The following TTC13 variants were observed in gnomAD, a reference collection of about 807,000 sequenced individuals.
The protein encoded by TTC13 is tetratricopeptide repeat domain 13.
TTC13 carries 62 observed loss-of-function variants against 120.0 expected under a neutral mutation model. The ratio of observed to expected loss-of-function variants is 0.52; its 90% CI spans 0.42 to 0.64. TTC13 has a LOEUF of 0.64. Ranked by LOEUF, TTC13 falls within the 30% of genes least tolerant of loss-of-function variation. The pLI is 0.00. For synonymous variants in TTC13, 384 were observed against 393.5 expected, an observed-to-expected ratio of 0.98 and a Z score of 0.28; for missense variants, 824 against 1,050.2, an observed-to-expected ratio of 0.78 and a Z score of 2.98.
intron 10 of TTC13, 30 bp downstream of exon 10, chr1:230,931,706 A>G (rs772132177): frequency 1.4e-5 from 23 of 1,610,664 alleles, no homozygotes; most frequent in African/African-American, 2.7e-5. Flanking sequence ...AGTAATTCCA[A>G]TTACAGTGTT....
rs1670931663 is a variant in TTC13, at chr1:230,906,280, T to C, written c.*625A>G. The stretch of plus-strand genomic sequence containing the variant: ...AACTGGTGATTTATAGAAATCACCC[T>C]GGTTTATTTTTTTCAACAAAGGAAA... On this transcript the variant is annotated 3_prime_UTR_variant, in exon 23 of 23. Transcript: ENST00000366661. 6.6e-6 allele frequency: 1 copy of C among 152,204 alleles called. No homozygotes were observed. 9.4% of individuals were successfully genotyped at this position (152,204 alleles called of 1,614,324 possible).
At chr1:230,913,100 C>G (rs1197821037) in intron 18 of TTC13, among the ~76,000 whole-genome samples, 2 of 152,086 alleles carry the variant, frequency 1.3e-5, no homozygotes, top group Non-Finnish European at 2.9e-5. Context: ...ATTTTCTAAG[C>G]CACCCCATTA....
At chr1:230,910,732 G>A (rs142157454) in intron 20 of TTC13, among the ~76,000 whole-genome samples, 3 of 152,344 alleles carry the variant, frequency 2.0e-5, no homozygotes, top group East Asian at 1.9e-4. Flanking sequence ...ATATTATGCT[G>A]ATAAGACAAC....
At chr1:230,965,468 T>C (rs888641301) in intron 1 of TTC13, among the ~76,000 whole-genome samples, 5 of 152,116 alleles carry the variant, frequency 3.3e-5, no homozygotes, top group African/African-American at 1.2e-4. Context: ...AGACAGATAA[T>C]AACAAATGCT....
At chr1:230,933,460 C>G (rs1401314401) in intron 9 of TTC13, among the ~76,000 whole-genome samples, 2 of 152,118 alleles carry the variant, frequency 1.3e-5, no homozygotes, top group African/African-American at 4.8e-5. Flanking sequence ...TAGTTACTGT[C>G]TAAGAAAGTA....
In TTC13 at chr1:230,976,545, G is replaced by C. The variant is rs75276437; in HGVS notation, c.271+2015C>G. Among the ~76,000 whole-genome samples, 288 of 152,284 alleles carry C rather than the reference G, an allele frequency of 1.9e-3. 1 individual carries two copies. Among genetic ancestry groups the C allele is most frequent in the Non-Finnish European group, 3.4e-3 (234 of 68,030 alleles). ...AGTTGATTCTGGAAATGACTTCTTG[G>C]GTGACCACAGCGGCAGCTGCCCCAC... On this transcript the variant is annotated intron_variant, in intron 1 of 22. Coordinates refer to ENST00000366661, the MANE Select transcript of TTC13 (RefSeq NM_024525.5).
chr1:230,957,940 A>C (rs189927641), intron 3 of TTC13, among the ~76,000 whole-genome samples: 3 of 152,304 alleles, frequency 2.0e-5, no homozygotes, highest in African/African-American at 7.2e-5. Flanking sequence ...CAGCACACAA[A>C]TAACCTTTTA....
intron 4 of TTC13, 97 bp from the exon 5 acceptor site, chr1:230,945,551 C>T (rs549066248): frequency 9.0e-5 from 98 of 1,093,802 alleles, no homozygotes; most frequent in Admixed American, 8.4e-5. Context: ...CAAGTGACAG[C>T]TCTACTTCTT....
chr1:230,913,928 C>T (rs1671757898), intron 18 of TTC13, among the ~76,000 whole-genome samples: 1 of 152,134 alleles, frequency 6.6e-6, no homozygotes, highest in African/African-American at 2.4e-5. Flanking sequence ...CTGTGAATGC[C>T]TGGCAGGGAA....
chr1:230,928,877 C>T lies in TTC13; in HGVS notation c.1457+60G>A, dbSNP rs1673282371. ...AGCAGGGAGTAGCGTGCCACCATGC[C>T]CAGCTTATAGCTCAGTTTTGAGAAA... is the stretch of plus-strand genomic sequence containing the variant. On this transcript the variant is annotated intron_variant, in intron 12 of 22. Transcript: ENST00000366661. The T allele has an allele frequency of 1.3e-5, 21 of 1,585,120 alleles. No individual in the cohort carries two copies. In the South Asian group the frequency reaches 2.0e-4, roughly 15 times the overall value.
chr1:230,956,924 T>C (rs1676138466), intron 3 of TTC13, among the ~76,000 whole-genome samples: 1 of 152,184 alleles, frequency 6.6e-6, no homozygotes, highest in Non-Finnish European at 1.5e-5. Flanking sequence ...TGTTCACAGA[T>C]GTCATTTTTT....
chr1:230,965,726 C>T (rs1677061369), intron 1 of TTC13, among the ~76,000 whole-genome samples: 1 of 152,210 alleles, frequency 6.6e-6, no homozygotes, highest in South Asian at 2.1e-4. Context: ...GACTAGAGTG[C>T]AGTGGCACGA....
At chr1:230,923,568 G>A (rs1041280243) in intron 15 of TTC13, among the ~76,000 whole-genome samples, 2 of 152,096 alleles carry the variant, frequency 1.3e-5, no homozygotes, top group African/African-American at 2.4e-5. Context: ...AAAGACTGAC[G>A]CCCTAGGAAA....
At chr1:230,921,578 G>T in intron 15 of TTC13, 74 bp from the exon 16 acceptor site, 2 of 762,106 alleles carry the variant, frequency 2.6e-6, no homozygotes, top group Non-Finnish European at 4.1e-6. Flanking sequence ...TAATTTCAAA[G>T]TTAATTTAAA....
chr1:230,922,714 G>A (rs1356895537), intron 15 of TTC13, among the ~76,000 whole-genome samples: 2 of 152,156 alleles, frequency 1.3e-5, no homozygotes, highest in South Asian at 2.1e-4. Flanking sequence ...TGTAGCACCA[G>A]AAGGCTTTAT....
Position 230,978,644 on chromosome 1 carries a change from G to A in TTC13, c.187C>T (p.Gln63Ter). 3 of 1,474,044 alleles carry A rather than the reference G, an allele frequency of 2.0e-6. No individual in the cohort carries two copies. Among genetic ancestry groups the A allele is most frequent in the Non-Finnish European group, 2.7e-6 (3 of 1,120,122 alleles). 91.3% of individuals were successfully genotyped at this position (1,474,044 alleles called of 1,614,324 possible). A position where few individuals can be genotyped will look rare whatever the true frequency, so the allele number is the denominator to read the frequency against. The change falls in exon 1 of 23, where the codon CAG (glutamine) becomes TAG (stop). Residue 63 changes from glutamine to a stop codon, truncating the protein, a stop_gained. Coordinates refer to ENST00000366661, the MANE Select transcript of TTC13 (RefSeq NM_024525.5). LOFTEE classifies it high-confidence loss of function. The surrounding 1 kb of genome is among the most constrained non-coding windows in gnomAD (Gnocchi z 5.6). The stretch of plus-strand genomic sequence containing the variant: ...CCGCCCGCCGGGGCCTCCTGCTGCT[G>A]CCGGTGCTGCAGCTCCTGCTTGAGC... ...SLLKQELQHRQQQEAPAGGGG... is the reference protein window; with the variant it reads ...SLLKQELQHR
Position 230,906,717 on chromosome 1 carries a change from C to G in TTC13, c.*188G>C, listed in dbSNP as rs927409649. 8.8e-5 allele frequency: 29 copies of G among 328,384 alleles called. No individual in the cohort carries two copies. The highest frequency in any genetic ancestry group is 5.2e-4 in the African/African-American group (24 of 46,580). The allele number at this position is 328,384 out of a possible 1,614,324, so 20.3% of individuals were successfully genotyped here. A position where few individuals can be genotyped will look rare whatever the true frequency, so the allele number is the denominator to read the frequency against. On this transcript the variant is annotated 3_prime_UTR_variant, in exon 23 of 23. Coordinates refer to ENST00000366661, the MANE Select transcript of TTC13 (RefSeq NM_024525.5). ...TCCAAGTCAAGTAGCTTTTTCCCCC[C>G]GAAAGCCTCTTTCATGATTTTCATT...
chr1:230,958,357 T>A, intron 2 of TTC13, 58 bp from the exon 3 acceptor site: 1 of 1,544,234 alleles, frequency 6.5e-7, no homozygotes. Flanking sequence ...AAAGAAAACT[T>A]GTATTAAAAT....
intron 14 of TTC13, 53 bp downstream of exon 14, chr1:230,924,788 G>A (rs751548550): frequency 8.7e-5 from 139 of 1,604,812 alleles, no homozygotes; most frequent in Non-Finnish European, 1.1e-4. Context: ...ACAGACTGAC[G>A]TTATTTGACA....
Sources: gnomAD v4.1 joint callset for allele counts (sites outside exome capture counted in the v4.1 genomes callset) on GRCh38, gnomAD v4.1.1 for gene constraint, Gnocchi (gnomAD v3.1) non-coding constraint, MANE v1.5 for transcripts, NCBI Gene and HGNC (gene_info 2026-07-23, HGNC 2026-07-21) for gene names.